The following NCF2 variants were observed in gnomAD, a reference collection of about 807,000 sequenced individuals.
The protein encoded by NCF2 is neutrophil cytosolic factor 2, also known as neutrophil cytosol factor 2.
In NCF2, 45 loss-of-function variants were observed where a neutral mutation model predicts 70.9. The observed-to-expected ratio is 0.63, with a 90% CI of 0.50 to 0.81. The LOEUF (loss-of-function observed/expected upper bound fraction) is 0.81. NCF2 is among the 40% of genes least tolerant of loss of function. The probability of loss-of-function intolerance (pLI) is 0.00; values close to 1 mark genes in which losing one functional copy is unlikely to be tolerated. For synonymous variants in NCF2, 203 were observed against 233.6 expected, an observed-to-expected ratio of 0.87 and a Z score of 1.19; for missense variants, 522 against 631.6, an observed-to-expected ratio of 0.83 and a Z score of 1.86.
rs762173491 is a variant in NCF2, at chr1:183,566,945, C to T, written c.899G>A (p.Arg300Gln). Residue 300 changes from arginine (R) to glutamine (Q), a missense_variant, in exon 9 of 15, where the codon CGG becomes CAG. Transcript: ENST00000367535. Reference sequence around the variant, plus strand: ...CTGGGGCTGCTGCTGAGGGTGGATCCGCAGCTCAACTGGTTCAAGGTAGTT... The same window carrying T: ...CTGGGGCTGCTGCTGAGGGTGGATCTGCAGCTCAACTGGTTCAAGGTAGTT... ...PCNYLEPVEL[R>Q]IHPQQQPQEE... is the part of the protein sequence containing the mutation. 13 of 1,613,976 alleles carry T rather than the reference C, an allele frequency of 8.1e-6. No homozygotes were observed. The highest frequency in any genetic ancestry group is 1.7e-4 in the Middle Eastern group (1 of 6,016).
At chr1:183,599,478 C>CTTTCTTTCTTTCTT in the NCF2 span, among the ~76,000 whole-genome samples, 1 of 125,368 alleles carries the variant, frequency 8.0e-6, no homozygotes, top group South Asian at 2.6e-4. Flanking sequence ...TTCTTTCTTT[C>CTTTCTTTCTTTCTT]TTTCTCTTTT....
At chr1:183,577,374 A>G (rs1672842775) in intron 3 of NCF2, among the ~76,000 whole-genome samples, 1 of 152,222 alleles carries the variant, frequency 6.6e-6, no homozygotes, top group Non-Finnish European at 1.5e-5. Context: ...TGCGCTTCAC[A>G]TTAATAAAAT....
At chr1:183,591,670 A>G (rs985014236), upstream of NCF2, among the ~76,000 whole-genome samples, 1 of 152,090 alleles carries the variant, frequency 6.6e-6, no homozygotes, top group Admixed American at 6.5e-5. Flanking sequence ...TTTAGTAGAG[A>G]TGGGGTTTCA....
intron 5 of NCF2, among the ~76,000 whole-genome samples, chr1:183,572,093 C>A (rs146921044): frequency 3.6e-4 from 55 of 152,296 alleles, no homozygotes; most frequent in African/African-American, 1.2e-3. Flanking sequence ...CAACTTTAGC[C>A]CTATGAATGT....
chr1:183,599,480 T>TTCTTTCTTTCTTTCTC, the NCF2 span, among the ~76,000 whole-genome samples: 1 of 134,264 alleles, frequency 7.4e-6, no homozygotes, highest in African/African-American at 2.9e-5. Flanking sequence ...CTTTCTTTCT[T>TTCTTTCTTTCTTTCTC]TCTCTTTTCT....
chr1:183,584,113 G>A (rs1178310825), intron 2 of NCF2, among the ~76,000 whole-genome samples: 2 of 152,188 alleles, frequency 1.3e-5, no homozygotes, highest in Admixed American at 1.3e-4. Flanking sequence ...TACAGATTCT[G>A]TGAGAAATGG....
At chr1:183,560,962 C>T (rs1189029161) in intron 13 of NCF2, among the ~76,000 whole-genome samples, 1 of 152,226 alleles carries the variant, frequency 6.6e-6, no homozygotes, top group Non-Finnish European at 1.5e-5. Flanking sequence ...TGCAGACTTT[C>T]AACTCCATCC....
chr1:183,556,207 C>A lies in NCF2; in HGVS notation c.1492G>T (p.Glu498Ter). 1 of 1,614,158 alleles carries A rather than the reference C, an allele frequency of 6.2e-7. No homozygotes were observed. The highest frequency in any genetic ancestry group is 1.1e-5 in the South Asian group (1 of 91,078). ...AAAATGCCCACCTTCCCTTTGCACT[C>A]CCCTTCCAGCCATTCTTCATTCACT... ...SKVNEEWLEGECKGKVGIFPK... is the reference protein window; with the variant it reads ...SKVNEEWLEG The change falls in exon 15 of 15, where the codon GAG becomes TAG. Residue 498 changes from glutamate (E) to a stop codon, truncating the protein, a stop_gained. Transcript: ENST00000367535. LOFTEE classifies it high-confidence loss of function.
At chr1:183,586,568 AG>A (rs1673362307) in intron 2 of NCF2, among the ~76,000 whole-genome samples, 1 of 152,182 alleles carries the variant, frequency 6.6e-6, no homozygotes, top group Non-Finnish European at 1.5e-5. Flanking sequence ...GTGACAGCTC[AG>A]TACCTCATAG....
At chr1:183,565,683 T>TGA (rs1434584254) in intron 10 of NCF2, 21 bp downstream of exon 10, 1 of 1,610,340 alleles carries the variant, frequency 6.2e-7, no homozygotes, top group Non-Finnish European at 8.5e-7. Flanking sequence ...AGACCTAGGC[T>TGA]GTGGCTCCAG....
intron 10 of NCF2, 146 bp from the exon 11 acceptor site, chr1:183,564,176 A>G: frequency 1.2e-6 from 1 of 828,904 alleles, no homozygotes; most frequent in Non-Finnish European, 2.1e-6. Context: ...TAACCTTAGT[A>G]AACTGTGGGG....
chr1:183,581,485 C>T (rs1247519202), intron 2 of NCF2, among the ~76,000 whole-genome samples: 1 of 151,272 alleles, frequency 6.6e-6, no homozygotes, highest in Non-Finnish European at 1.5e-5. Context: ...AAAAAGATTA[C>T]TTATTTTATT....
Position 183,577,652 on chromosome 1 carries a change from G to C in NCF2, c.313C>G (p.Gln105Glu). The C allele has an allele frequency of 1.9e-6, 3 of 1,614,086 alleles. No homozygotes were observed. Among genetic ancestry groups the C allele is most frequent in the South Asian group, 1.1e-5 (1 of 91,088 alleles). The change falls in exon 3 of 15, where the codon CAG becomes GAG. Residue 105 changes from glutamine (Q) to glutamate (E), a missense_variant. Coordinates refer to ENST00000367535, the MANE Select transcript of NCF2 (RefSeq NM_000433.4). ...CCCAGGATCTTATAGTCTATCAGCTGGTTCCCTCGAAGCTGAATCAAGGCT... is the reference window on the plus strand; with the variant it reads ...CCCAGGATCTTATAGTCTATCAGCTCGTTCCCTCGAAGCTGAATCAAGGCT... ...KEALIQLRGN[Q>E]LIDYKILGLQ...
At chr1:183,599,172 C>G in the NCF2 span, among the ~76,000 whole-genome samples, 3 of 152,100 alleles carry the variant, frequency 2.0e-5, no homozygotes, top group Non-Finnish European at 4.4e-5. Context: ...TACTTGAAGT[C>G]AGGAGTTTGA....
At chr1:183,595,583 A>G (rs1231108371), upstream of NCF2, among the ~76,000 whole-genome samples, 1 of 152,160 alleles carries the variant, frequency 6.6e-6, no homozygotes. Flanking sequence ...ACTTGACGGC[A>G]TCTGCTGCCA....
chr1:183,568,109 G>A (rs1446500296), intron 7 of NCF2, among the ~76,000 whole-genome samples: 2 of 151,990 alleles, frequency 1.3e-5, no homozygotes, highest in Non-Finnish European at 2.9e-5. Flanking sequence ...CTGACAGGGA[G>A]CTTAGGAATG....
At chr1:183,558,467 C>T (rs1671893518) in intron 14 of NCF2, among the ~76,000 whole-genome samples, 1 of 151,986 alleles carries the variant, frequency 6.6e-6, no homozygotes, top group Admixed American at 6.6e-5. Context: ...AGAGTTTCAC[C>T]ATGTTGGCCA....
intron 1 of NCF2, among the ~76,000 whole-genome samples, chr1:183,587,566 C>G (rs908186189): frequency 7.8e-6 from 1 of 128,366 alleles, no homozygotes; most frequent in African/African-American, 2.9e-5. Flanking sequence ...TGCACTCCAG[C>G]CTGGGCAACA....
At chr1:183,581,298 G>T (rs12737538) in intron 2 of NCF2, among the ~76,000 whole-genome samples, 2 of 107,214 alleles carry the variant, frequency 1.9e-5, no homozygotes, top group African/African-American at 7.8e-5. Flanking sequence ...AAAAAAAAAA[G>T]AAAGAAAGAA....
Sources: gnomAD v4.1 joint callset for allele counts (sites outside exome capture counted in the v4.1 genomes callset) on GRCh38, gnomAD v4.1.1 for gene constraint, MANE v1.5 for transcripts, NCBI Gene and HGNC (gene_info 2026-07-23, HGNC 2026-07-21) for gene names.